The following CLIC5 variants were observed in gnomAD, a reference collection of about 807,000 sequenced individuals.
CLIC5 encodes the protein CLIC family member 5.
CLIC5 carries 20 observed loss-of-function variants against 24.7 expected under a neutral mutation model. The observed-to-expected ratio is 0.81, with a 90% CI of 0.57 to 1.18. CLIC5 has a LOEUF of 1.18. Among genes scored for constraint, CLIC5 ranks in the 50% most tolerant of loss-of-function variants. The probability of loss-of-function intolerance (pLI) is 0.00; values close to 1 mark genes in which losing one functional copy is unlikely to be tolerated. For synonymous variants in CLIC5, 159 were observed against 135.6 expected (o/e 1.17, Z -1.20); for missense variants, 341 against 326.1 (o/e 1.05, Z -0.35).
chr6:46,018,938 G>A (rs1178626109), upstream of CLIC5: 2 of 152,096 alleles, frequency 1.3e-5, no homozygotes, highest in East Asian at 3.9e-4. Flanking sequence ...GCAGCATAAA[G>A]GGTAAAGGGC....
At chr6:46,031,939 T>TACAC (rs35929799) in intron 1 of CLIC5, among the ~76,000 whole-genome samples, 117 of 146,298 alleles carry the variant, frequency 8.0e-4, no homozygotes, top group East Asian at 1.8e-3. Flanking sequence ...TATATATATA[T>TACAC]ACACACACAC....
In CLIC5 at chr6:46,015,832, G is replaced by A; in HGVS notation, c.-290C>T. ...GGAGCAACAAGTGCCGGGCTGCCCG[G>A]AGGTGTCACAGGATCCGCGACTGTC... On this transcript the variant is annotated 5_prime_UTR_variant, in exon 1 of 6. Transcript: ENST00000339561. 9 of 1,147,910 alleles carry A rather than the reference G, an allele frequency of 7.8e-6. No homozygotes were observed. The highest frequency in any genetic ancestry group is 9.6e-6 in the Non-Finnish European group (9 of 933,734). The allele number at this position is 1,147,910 out of a possible 1,614,324, so 71.1% of individuals were successfully genotyped here.
chr6:46,105,804 C>T, the CLIC5 span, among the ~76,000 whole-genome samples: 1 of 152,154 alleles, frequency 6.6e-6, no homozygotes, highest in Non-Finnish European at 1.5e-5. Flanking sequence ...TTTATGTGTG[C>T]AATGGCTGGT....
chr6:45,977,786 C>G (rs930059792), intron 1 of CLIC5, among the ~76,000 whole-genome samples: 5 of 152,168 alleles, frequency 3.3e-5, no homozygotes, highest in African/African-American at 9.7e-5. Flanking sequence ...ACCCCATCTT[C>G]CCTGGAAATC....
intron 6 of CLIC5, among the ~76,000 whole-genome samples, chr6:45,891,561 G>A (rs527861152): frequency 1.9e-5 from 2 of 107,164 alleles, no homozygotes; most frequent in East Asian, 3.2e-4. Context: ...GTTTGAACCC[G>A]GGAGGCAGAG....
intron 1 of CLIC5, among the ~76,000 whole-genome samples, chr6:46,063,531 G>C (rs1762353501): frequency 6.6e-6 from 1 of 152,248 alleles, no homozygotes; most frequent in South Asian, 2.1e-4. Flanking sequence ...TACCAGAGGA[G>C]ATGCAGTTCC....
the CLIC5 span, among the ~76,000 whole-genome samples, chr6:46,093,895 A>C: frequency 1.3e-5 from 2 of 152,232 alleles, no homozygotes. Flanking sequence ...ACCTGACACC[A>C]GGTAATTTAG....
chr6:45,963,772 G>A (rs904754156), intron 1 of CLIC5, among the ~76,000 whole-genome samples: 2 of 152,082 alleles, frequency 1.3e-5, no homozygotes, highest in East Asian at 3.9e-4. Flanking sequence ...TCACTGCAAT[G>A]TCATATGTTA....
intron 1 of CLIC5, among the ~76,000 whole-genome samples, chr6:45,955,683 A>C (rs537103745): frequency 1.3e-5 from 2 of 152,160 alleles, no homozygotes; most frequent in Admixed American, 1.3e-4. Flanking sequence ...AACAATTAGA[A>C]ATGCTTTCCT....
intron 2 of CLIC5, among the ~76,000 whole-genome samples, chr6:45,954,586 T>C (rs897003641): frequency 2.6e-5 from 4 of 152,190 alleles, no homozygotes; most frequent in African/African-American, 4.8e-5. Flanking sequence ...ATACATTCTG[T>C]AGGAGTGAAA....
chr6:46,035,316 AG>A (rs1189862741), intron 1 of CLIC5, among the ~76,000 whole-genome samples: 1 of 152,250 alleles, frequency 6.6e-6, no homozygotes, highest in African/African-American at 2.4e-5. Flanking sequence ...CTAAGAGAGC[AG>A]AAACTATTTT....
At chr6:45,883,518 T>C (rs1320480759) in intron 6 of CLIC5, among the ~76,000 whole-genome samples, 1 of 152,188 alleles carries the variant, frequency 6.6e-6, no homozygotes, top group Non-Finnish European at 1.5e-5. Flanking sequence ...GGGGAGGCAG[T>C]GTCATCACTG....
chr6:46,104,561 A>G, the CLIC5 span, among the ~76,000 whole-genome samples: 1 of 149,438 alleles, frequency 6.7e-6, no homozygotes, highest in African/African-American at 2.5e-5. Context: ...GATTTGGGGG[A>G]TTGCTTCTTC....
At chr6:46,033,670 C>T (rs1767574983) in intron 1 of CLIC5, among the ~76,000 whole-genome samples, 2 of 152,302 alleles carry the variant, frequency 1.3e-5, no homozygotes, top group South Asian at 4.1e-4. Context: ...AGAGAAGAAA[C>T]ACCAAAGGGT....
intron 1 of CLIC5, among the ~76,000 whole-genome samples, chr6:46,033,234 G>C (rs867499549): frequency 6.6e-6 from 1 of 151,226 alleles, no homozygotes; most frequent in African/African-American, 2.4e-5. Context: ...TGATCCGCCC[G>C]CCTCGGCCTC....
At chr6:45,921,519 A>G (rs1763259758) in intron 4 of CLIC5, among the ~76,000 whole-genome samples, 1 of 152,052 alleles carries the variant, frequency 6.6e-6, no homozygotes, top group African/African-American at 2.4e-5. Flanking sequence ...GCAGAGTGAG[A>G]CTTGATTAAA....
intron 1 of CLIC5, among the ~76,000 whole-genome samples, chr6:46,022,721 C>G (rs1274147887): frequency 6.6e-6 from 1 of 152,188 alleles, no homozygotes; most frequent in Non-Finnish European, 1.5e-5. Context: ...GTCAAGAGTC[C>G]TTGTCAAAAA....
chr6:45,971,739 T>A (rs918831553), intron 1 of CLIC5, among the ~76,000 whole-genome samples: 9 of 152,218 alleles, frequency 5.9e-5, no homozygotes, highest in East Asian at 3.8e-4. Flanking sequence ...CTAGGATTCG[T>A]AGGACAGAAT....
intron 1 of CLIC5, among the ~76,000 whole-genome samples, chr6:45,983,451 C>T (rs1310896243): frequency 5.9e-5 from 9 of 152,094 alleles, no homozygotes; most frequent in South Asian, 2.1e-4. Flanking sequence ...CAAGACACAC[C>T]ATTGAGAAGA....
Sources: gnomAD v4.1 joint callset for allele counts (sites outside exome capture counted in the v4.1 genomes callset) on GRCh38, gnomAD v4.1.1 for gene constraint, MANE v1.5 for transcripts, NCBI Gene and HGNC (gene_info 2026-07-23, HGNC 2026-07-21) for gene names.